Variants in CTSS observed in about 807,000 individuals in gnomAD.
CTSS encodes the protein cathepsin S.
Under a neutral mutation model 39.9 loss-of-function variants are expected in CTSS, and 15 were observed. The ratio of observed to expected loss-of-function variants is 0.38; its 90% confidence interval spans 0.25 to 0.58. The LOEUF is 0.58. Ranked by LOEUF, CTSS falls within the 20% of genes least tolerant of loss-of-function variation. The pLI, the probability that CTSS is intolerant of heterozygous loss-of-function variation, is 0.70. For synonymous variants in CTSS, 126 were observed against 138.2 expected (o/e 0.91, Z 0.62); for missense variants, 250 against 398.2 (o/e 0.63, Z 3.17).
intron 7 of CTSS, among the ~76,000 whole-genome samples, chr1:150,744,517 A>G (rs1329350972): frequency 2.0e-5 from 2 of 101,846 alleles, no homozygotes; most frequent in Non-Finnish European, 3.6e-5. Flanking sequence ...TATATATTAT[A>G]TGTATATTAT....
intron 7 of CTSS, among the ~76,000 whole-genome samples, chr1:150,741,004 AC>A (rs1226191372): frequency 6.6e-6 from 1 of 151,838 alleles, no homozygotes; most frequent in East Asian, 1.9e-4. Context: ...ACTATGTTTA[AC>A]TTAAATTTTT....
At position 150,754,669 on chromosome 1, in the gene CTSS, G is replaced by A. The variant is rs587636677; in HGVS notation, c.399+332C>T. Among the ~76,000 whole-genome samples, 160 of 152,126 alleles carry A rather than the reference G, an allele frequency of 1.1e-3. 1 individual carries two copies. Among genetic ancestry groups the A allele is most frequent in the African/African-American group, 3.7e-3 (153 of 41,522 alleles). On this transcript the variant is annotated intron_variant, in intron 4 of 7. Coordinates refer to ENST00000368985, the MANE Select transcript of CTSS (RefSeq NM_004079.5). Reference sequence around the variant, plus strand: ...TCTGGAACTCCTGGCCTCAGGTGATGCGCCTGCCTCAGCCTCCCAAAGTAA... The same window carrying A: ...TCTGGAACTCCTGGCCTCAGGTGATACGCCTGCCTCAGCCTCCCAAAGTAA...
rs752146561 is a variant in CTSS, at chr1:150,751,997, A to C, written c.411T>G (p.Gly137=). The C allele has an allele frequency of 1.9e-6, 3 of 1,614,136 alleles. No homozygotes were observed. In the African/African-American group the frequency reaches 4.0e-5, roughly 22 times the overall value. The change falls in exon 5 of 8, where the codon GGT becomes GGG. Residue 137 remains glycine (G), a synonymous_variant. Coordinates refer to ENST00000368985, the MANE Select transcript of CTSS (RefSeq NM_004079.5). The stretch of plus-strand genomic sequence containing the variant: ...CCACAGCACTGAAAGCCCAGCAAGC[A>C]CCACAAGAACCCTAAAACAGATACA... ...VTEVKYQGSC[G]ACWAFSAVGA...
chr1:150,743,221 CAT>C (rs989487869), intron 7 of CTSS, among the ~76,000 whole-genome samples: 17 of 152,000 alleles, frequency 1.1e-4, no homozygotes, highest in Admixed American at 5.3e-4. Flanking sequence ...TGTGCCATTG[CAT>C]ATGTTTTTTG....
chr1:150,764,560 C>T, intron 2 of CTSS, 78 bp downstream of exon 2: 1 of 1,574,172 alleles, frequency 6.4e-7, no homozygotes. Flanking sequence ...GAAAACACTG[C>T]CTGTAAGAAC....
rs770166721 is a variant in CTSS at position 150,757,962 on chromosome 1, G to A, written c.145C>T (p.Arg49Cys). 6 of 1,613,670 alleles carry A rather than the reference G, an allele frequency of 3.7e-6. No individual in the cohort carries two copies. The highest frequency in any genetic ancestry group is 5.1e-6 in the Non-Finnish European group (6 of 1,179,812). The change falls in exon 3 of 8, where the codon CGT (arginine) becomes TGT (cysteine). Residue 49 changes from arginine to cysteine, a missense_variant. Physicochemically the swap from Arg to Cys is radical, Grantham distance 180 (BLOSUM62 -3). Coordinates refer to ENST00000368985, the MANE Select transcript of CTSS (RefSeq NM_004079.5). ...TTTAGATTCTTTTCCCAGATGAGAC[G>A]TCGTACTGCTTCTTCATTCTAAAAC... The part of the protein sequence containing the change: ...YKEKNEEAVR[R>C]LIWEKNLKFV...
chr1:150,732,977 C>T lies in CTSS; in HGVS notation c.*69G>A. ...ATGACACAATTATTTCTTCTGGATA[C>T]AGCAGGAAAAATTAAGTTAAGAGAA... On this transcript the variant is annotated 3_prime_UTR_variant, in exon 8 of 8. Transcript: ENST00000368985. 9.4e-7 allele frequency: 1 copy of T among 1,060,700 alleles called. No individual in the cohort carries two copies. Among genetic ancestry groups the T allele is most frequent in the South Asian group, 1.3e-5 (1 of 74,546 alleles). 65.7% of individuals were successfully genotyped at this position (1,060,700 alleles called of 1,614,324 possible).
At position 150,751,877 on chromosome 1, in the gene CTSS, G is replaced by A; in HGVS notation, c.531C>T (p.Asn177=). ...LVDCSTEKYG[N]KGCNGGFMTT... ...TCATGAAGCCACCATTGCAGCCTTT[G>A]TTTCCATATTTTTCAGTTGAGCAAT... The change falls in exon 5 of 8, where the codon AAC becomes AAT. Residue 177 remains asparagine, a synonymous_variant. Coordinates refer to ENST00000368985, the MANE Select transcript of CTSS (RefSeq NM_004079.5). The A allele has an allele frequency of 6.2e-7, 1 of 1,614,148 alleles. No homozygotes were observed. Among genetic ancestry groups the A allele is most frequent in the Non-Finnish European group, 8.5e-7 (1 of 1,180,022 alleles).
chr1:150,735,531 C>T (rs144312438), intron 7 of CTSS, among the ~76,000 whole-genome samples: 44 of 152,256 alleles, frequency 2.9e-4, no homozygotes, highest in African/African-American at 9.1e-4. Context: ...CATGCCTTTA[C>T]AATAAAATTC....
At chr1:150,752,775 C>T (rs905257503) in intron 4 of CTSS, among the ~76,000 whole-genome samples, 18 of 152,048 alleles carry the variant, frequency 1.2e-4, no homozygotes, top group Admixed American at 3.3e-4. Context: ...TAGAGAACCT[C>T]GGGTAAGAAA....
At position 150,731,959 on chromosome 1, in the gene CTSS, T is replaced by C. The variant is rs587715058; in HGVS notation, c.*1087A>G. 6.6e-6 allele frequency: 1 copy of C among 152,300 alleles called. No homozygotes were observed. Among genetic ancestry groups the C allele is most frequent in the South Asian group, 2.1e-4 (1 of 4,830 alleles). 9.4% of individuals were successfully genotyped at this position (152,300 alleles called of 1,614,324 possible). A position where few individuals can be genotyped will look rare whatever the true frequency, so the allele number is the denominator to read the frequency against. On this transcript the variant is annotated 3_prime_UTR_variant, in exon 8 of 8. Transcript: ENST00000368985. ...TCTTGCTCTGTCACCCAGGCTGGAG[T>C]GCAGTGGTGCAATTACAAGCTCACT...
intron 7 of CTSS, among the ~76,000 whole-genome samples, chr1:150,745,044 TA>T (rs2101915436): frequency 6.6e-6 from 1 of 152,234 alleles, no homozygotes; most frequent in African/African-American, 2.4e-5. Flanking sequence ...GTGCTGTGAA[TA>T]GGTTATCAGT....
chr1:150,751,326 G>C (rs1571100979), intron 5 of CTSS, among the ~76,000 whole-genome samples: 1 of 152,060 alleles, frequency 6.6e-6, no homozygotes, highest in Admixed American at 6.6e-5. Flanking sequence ...TCGGCTCACT[G>C]CACCTCCACC....
chr1:150,750,513 A>G (rs1652986693), intron 5 of CTSS, among the ~76,000 whole-genome samples: 1 of 152,248 alleles, frequency 6.6e-6, no homozygotes, highest in East Asian at 1.9e-4. Context: ...TGCCTGCAAG[A>G]TGATCTGCAG....
At chr1:150,756,712 T>C (rs986357896) in intron 3 of CTSS, among the ~76,000 whole-genome samples, 13 of 146,342 alleles carry the variant, frequency 8.9e-5, no homozygotes, top group East Asian at 5.8e-4. Context: ...TTCTTTCTTT[T>C]TTTTTTTTTT....
At position 150,757,945 on chromosome 1, in the gene CTSS, C is replaced by A. The variant is rs777186197; in HGVS notation, c.162G>T (p.Lys54Asn). 3.7e-6 allele frequency: 6 copies of A among 1,613,868 alleles called. No homozygotes were observed. Among genetic ancestry groups the A allele is most frequent in the East Asian group, 4.5e-5 (2 of 44,896 alleles). ...EEAVRRLIWE[K>N]NLKFVMLHNL... ...TGTGAAGCATCACAAACTTTAGATT[C>A]TTTTCCCAGATGAGACGTCGTACTG... Residue 54 changes from lysine to asparagine, a missense_variant, in exon 3 of 8, where the codon AAG (lysine) becomes AAT (asparagine). By Grantham distance (94) the Lys-to-Asn change is moderately conservative (BLOSUM62 0). Transcript: ENST00000368985.
At chr1:150,765,101 C>CTCTCAA (rs753088029) in intron 1 of CTSS, among the ~76,000 whole-genome samples, 1 of 132,330 alleles carries the variant, frequency 7.6e-6, no homozygotes, top group African/African-American at 2.8e-5. Context: ...CTCTCTCTCT[C>CTCTCAA]AAAAAAAAAA....
At chr1:150,739,549 C>T (rs771868187) in intron 7 of CTSS, among the ~76,000 whole-genome samples, 78 of 152,050 alleles carry the variant, frequency 5.1e-4, no homozygotes, top group Non-Finnish European at 8.5e-4. Flanking sequence ...CAGAAATTAC[C>T]CGTGCCTGGT....
At chr1:150,733,922 C>T (rs187044693) in intron 7 of CTSS, among the ~76,000 whole-genome samples, 68 of 151,952 alleles carry the variant, frequency 4.5e-4, no homozygotes, top group African/African-American at 1.6e-3. Context: ...GATTAGGGTT[C>T]GAGTAGATCA....
Sources: gnomAD v4.1 joint callset for allele counts (sites outside exome capture counted in the v4.1 genomes callset) on GRCh38, gnomAD v4.1.1 for gene constraint, MANE v1.5 for transcripts, NCBI Gene and HGNC (gene_info 2026-07-23, HGNC 2026-07-21) for gene names.